The following KCND2 variants were observed in gnomAD, a reference collection of about 807,000 sequenced individuals.
The protein encoded by KCND2 is A-type voltage-gated potassium channel KCND2.
In KCND2, 16 loss-of-function variants were observed where a neutral mutation model predicts 54.4. That is an observed-to-expected ratio of 0.29 (90% CI 0.20 to 0.45). The LOEUF (loss-of-function observed/expected upper bound fraction) is 0.45, where lower values mean the gene tolerates loss of function less well. Among genes scored for constraint, KCND2 ranks in the 20% least tolerant of loss-of-function variants. The pLI, the probability that KCND2 is intolerant of heterozygous loss-of-function variation, is 1.00. For missense variants in KCND2, 486 were observed against 824.2 expected (o/e 0.59, Z 5.02); for synonymous variants, 317 against 310.7 (o/e 1.02, Z -0.21).
At chr7:120,461,397 T>C (rs1802281904) in intron 1 of KCND2, among the ~76,000 whole-genome samples, 1 of 152,198 alleles carries the variant, frequency 6.6e-6, no homozygotes, top group Admixed American at 6.6e-5. Flanking sequence ...CTACTGTGTC[T>C]TCAAGCAGTG....
chr7:120,426,313 G>A (rs989672489), intron 1 of KCND2, among the ~76,000 whole-genome samples: 1 of 151,822 alleles, frequency 6.6e-6, no homozygotes, highest in Non-Finnish European at 1.5e-5. Context: ...TCAAAGATAG[G>A]GATTCCCATC....
chr7:120,477,735 C>G (rs2116273703), intron 1 of KCND2, among the ~76,000 whole-genome samples: 1 of 152,200 alleles, frequency 6.6e-6, no homozygotes, highest in South Asian at 2.1e-4. Flanking sequence ...GCATGCTACA[C>G]AAATTGGGAC....
At chr7:120,583,212 T>C (rs1044276402) in intron 1 of KCND2, among the ~76,000 whole-genome samples, 2 of 152,104 alleles carry the variant, frequency 1.3e-5, no homozygotes, top group African/African-American at 4.8e-5. Flanking sequence ...AGATCTCCAC[T>C]CAGACCAACA....
chr7:120,506,520 G>C (rs907615390), intron 1 of KCND2, among the ~76,000 whole-genome samples: 2 of 151,818 alleles, frequency 1.3e-5, no homozygotes, highest in African/African-American at 4.8e-5. Context: ...CTAAAACTCT[G>C]TAAGGTAACA....
At chr7:120,481,623 C>T (rs1483511690) in intron 1 of KCND2, among the ~76,000 whole-genome samples, 1 of 152,120 alleles carries the variant, frequency 6.6e-6, no homozygotes, top group Non-Finnish European at 1.5e-5. Flanking sequence ...AGGGGTGAGC[C>T]CTGGGTGCCC....
At chr7:120,449,793 A>G (rs1802075326) in intron 1 of KCND2, among the ~76,000 whole-genome samples, 1 of 152,244 alleles carries the variant, frequency 6.6e-6, no homozygotes. Context: ...AAAGTACATA[A>G]TGCTACAGCC....
At chr7:120,620,389 TAGG>T (rs1793083308) in intron 1 of KCND2, among the ~76,000 whole-genome samples, 1 of 152,136 alleles carries the variant, frequency 6.6e-6, no homozygotes, top group Non-Finnish European at 1.5e-5. Flanking sequence ...ATATCTTTAG[TAGG>T]AGTTCAGTTA....
At chr7:120,696,906 A>C (rs964247621) in intron 1 of KCND2, among the ~76,000 whole-genome samples, 30 of 152,230 alleles carry the variant, frequency 2.0e-4, no homozygotes, top group African/African-American at 6.8e-4. Context: ...AAAATAGATT[A>C]AAACAGTCAG....
chr7:120,276,488 T>A (rs1799177062), intron 1 of KCND2, among the ~76,000 whole-genome samples: 1 of 152,086 alleles, frequency 6.6e-6, no homozygotes, highest in African/African-American at 2.4e-5. Context: ...ACAGATCCCA[T>A]CAGGCAATGG....
intron 1 of KCND2, among the ~76,000 whole-genome samples, chr7:120,724,227 G>A (rs982316027): frequency 1.2e-4 from 18 of 152,162 alleles, no homozygotes; most frequent in African/African-American, 3.6e-4. Flanking sequence ...TCATGATCTG[G>A]TAAGAGAAGA....
intron 1 of KCND2, among the ~76,000 whole-genome samples, chr7:120,408,174 A>C (rs1294802329): frequency 6.6e-6 from 1 of 151,944 alleles, no homozygotes; most frequent in Admixed American, 6.6e-5. Context: ...TTGAGAATAC[A>C]TGTTGAGTTT....
At chr7:120,657,853 A>G (rs1791821848) in intron 1 of KCND2, among the ~76,000 whole-genome samples, 1 of 152,142 alleles carries the variant, frequency 6.6e-6, no homozygotes, top group South Asian at 2.1e-4. Flanking sequence ...ATCTCAAAAA[A>G]AAAAGAGAGA....
intron 1 of KCND2, among the ~76,000 whole-genome samples, chr7:120,604,714 T>A (rs1792859353): frequency 6.6e-6 from 1 of 152,098 alleles, no homozygotes; most frequent in East Asian, 1.9e-4. Flanking sequence ...GCTTTAATGA[T>A]TGTGGAAACA....
Position 120,353,132 on chromosome 7 carries a change from A to AT in KCND2, c.1115+77385_1115+77386insT, listed in dbSNP as rs1491194211. Among the ~76,000 whole-genome samples, 344 of 74,924 alleles carry AT rather than the reference A, an allele frequency of 4.6e-3. 4 individuals carry two copies. Among genetic ancestry groups the AT allele is most frequent in the Middle Eastern group, 0.025 (3 of 118 alleles). 49.2% of individuals were successfully genotyped at this position (74,924 alleles called of 152,430 possible). On this transcript the variant is annotated intron_variant, in intron 1 of 5. Coordinates refer to ENST00000331113, the MANE Select transcript of KCND2 (RefSeq NM_012281.3). ...GTAACAATGTGAGATAAATACTTTT[A>AT]CTTTTTTTTTTTTTTTTTTTTTTTT...
At chr7:120,518,776 G>A (rs968845232) in intron 1 of KCND2, among the ~76,000 whole-genome samples, 2 of 152,044 alleles carry the variant, frequency 1.3e-5, no homozygotes, top group African/African-American at 2.4e-5. Flanking sequence ...TTTAATACCC[G>A]GAACTTGTGG....
intron 1 of KCND2, among the ~76,000 whole-genome samples, chr7:120,721,916 G>C (rs1251532893): frequency 6.6e-6 from 1 of 152,138 alleles, no homozygotes; most frequent in Non-Finnish European, 1.5e-5. Context: ...TCTCATAGTA[G>C]TGAATAAGTC....
Position 120,672,579 on chromosome 7 carries a change from AG to A in KCND2, c.1116-60323del, listed in dbSNP as rs1207829273. Among the ~76,000 whole-genome samples the A allele has an allele frequency of 4.6e-5, 7 of 152,024 alleles. No homozygotes were observed. In the East Asian group the frequency reaches 1.3e-3, roughly 29 times the overall value. On this transcript the variant is annotated intron_variant, in intron 1 of 5. Coordinates refer to ENST00000331113, the MANE Select transcript of KCND2 (RefSeq NM_012281.3). ...CTTCACTGCTTCCTTCTCAGCCAAAAGTTCCCCTAGTTTTCACAGTCTCCCT... is the reference window on the plus strand; with the variant it reads ...CTTCACTGCTTCCTTCTCAGCCAAAATTCCCCTAGTTTTCACAGTCTCCCT...
At position 120,417,895 on chromosome 7, in the gene KCND2, C is replaced by G. The variant is rs192308762; in HGVS notation, c.1115+142148C>G. On this transcript the variant is annotated intron_variant, in intron 1 of 5. Transcript: ENST00000331113. The stretch of plus-strand genomic sequence containing the variant: ...CTTTGAACCAGGAGTCTAGGCCCTG[C>G]TGTGTAGATTTAACAATAGGCATTC... Among the ~76,000 whole-genome samples, 3 of 152,232 alleles carry G rather than the reference C, an allele frequency of 2.0e-5. No individual in the cohort carries two copies. The East Asian group carries it at 5.8e-4, about 29-fold the overall frequency.
At chr7:120,717,909 C>G (rs1353366570) in intron 1 of KCND2, among the ~76,000 whole-genome samples, 3 of 152,088 alleles carry the variant, frequency 2.0e-5, no homozygotes, top group African/African-American at 4.8e-5. Context: ...ACAGCAAGAA[C>G]TGCTGCTGTT....
Sources: gnomAD v4.1 joint callset for allele counts (sites outside exome capture counted in the v4.1 genomes callset) on GRCh38, gnomAD v4.1.1 for gene constraint, MANE v1.5 for transcripts, NCBI Gene and HGNC (gene_info 2026-07-23, HGNC 2026-07-21) for gene names.